SUSD4: variants seen among roughly 807,000 people sequenced by gnomAD.
SUSD4 encodes the protein sushi domain containing 4.
SUSD4 carries 41 observed loss-of-function variants against 50.5 expected under a neutral mutation model. The ratio of observed to expected loss-of-function variants is 0.81; its 90% CI spans 0.63 to 1.05. The LOEUF is 1.05. SUSD4 is among the 50% of genes least tolerant of loss of function. The probability of loss-of-function intolerance (pLI) is 0.00; values close to 1 mark genes in which losing one functional copy is unlikely to be tolerated. For synonymous variants in SUSD4, 257 were observed against 257.3 expected, an observed-to-expected ratio of 1.00 and a Z score of 0.01; for missense variants, 580 against 634.7, an observed-to-expected ratio of 0.91 and a Z score of 0.93.
At chr1:223,343,012 A>G (rs1331998847) in intron 2 of SUSD4, among the ~76,000 whole-genome samples, 1 of 152,248 alleles carries the variant, frequency 6.6e-6, no homozygotes, top group African/African-American at 2.4e-5. Flanking sequence ...ACATTAGCGG[A>G]AAAACAGACA....
At chr1:223,329,557 T>C (rs1667060345) in intron 2 of SUSD4, among the ~76,000 whole-genome samples, 1 of 152,220 alleles carries the variant, frequency 6.6e-6, no homozygotes. Context: ...TCTCTGCCTC[T>C]AAGCTCCTGA....
intron 7 of SUSD4, 45 bp from the exon 8 acceptor site, chr1:223,223,676 C>G (rs1310678281): frequency 1.3e-6 from 2 of 1,542,564 alleles, no homozygotes; most frequent in African/African-American, 2.7e-5. Context: ...CCATGCCACT[C>G]TGGGGATGAG....
chr1:223,228,359 CT>C (rs1260427198), intron 6 of SUSD4, among the ~76,000 whole-genome samples: 1 of 152,232 alleles, frequency 6.6e-6, no homozygotes. Flanking sequence ...CTTTGCACTT[CT>C]CCCCCGGCTG....
At chr1:223,235,613 A>G (rs900064934) in intron 5 of SUSD4, among the ~76,000 whole-genome samples, 2 of 151,428 alleles carry the variant, frequency 1.3e-5, no homozygotes, top group African/African-American at 4.9e-5. Context: ...GGAATAGGAC[A>G]GTATATAGCC....
chr1:223,274,345 C>G (rs1304546279), intron 3 of SUSD4, among the ~76,000 whole-genome samples: 1 of 152,190 alleles, frequency 6.6e-6, no homozygotes, highest in Non-Finnish European at 1.5e-5. Context: ...AGAGAGGATG[C>G]TTCATAGAAC....
rs1185997774 is a variant in SUSD4, at chr1:223,364,163, G to T, written c.-142C>A. On this transcript the variant is annotated 5_prime_UTR_variant, in exon 1 of 9. Transcript: ENST00000366878. The surrounding 1 kb of genome is among the most constrained non-coding windows in gnomAD (Gnocchi z 4.5). The stretch of plus-strand genomic sequence containing the variant: ...TGCTGCCGCCGCTGCGCGAGCGAGC[G>T]AGACGGAAGCTTCGGCGGCGGCGCT... 2.6e-5 allele frequency: 4 copies of T among 151,908 alleles called. No homozygotes were observed. Among genetic ancestry groups the T allele is most frequent in the Admixed American group, 2.6e-4 (4 of 15,204 alleles). The allele number at this position is 151,908 out of a possible 1,614,324, so 9.4% of individuals were successfully genotyped here. A position where few individuals can be genotyped will look rare whatever the true frequency, so the allele number is the denominator to read the frequency against.
intron 3 of SUSD4, among the ~76,000 whole-genome samples, chr1:223,286,647 G>A (rs192231679): frequency 2.0e-5 from 3 of 152,346 alleles, no homozygotes; most frequent in East Asian, 1.9e-4. Context: ...TCATGGCCAA[G>A]TGACTAAAGA....
At position 223,223,457 on chromosome 1, in the gene SUSD4, T is replaced by TG; in HGVS notation, c.1235dup (p.Ala413SerfsTer19). On this transcript the variant is annotated frameshift_variant, in exon 8 of 9. Coordinates refer to ENST00000366878, the MANE Select transcript of SUSD4 (RefSeq NM_017982.4). LOFTEE classifies it high-confidence loss of function. ...CCGTGTCCCCTGAGCCGGGGTATGC[T>TG]GGGGGGCTCTGGTCGTCCACGGGTA... 1.2e-6 allele frequency: 2 copies of TG among 1,613,996 alleles called. No individual in the cohort carries two copies. The highest frequency in any genetic ancestry group is 8.5e-7 in the Non-Finnish European group (1 of 1,179,960).
rs17163798 is a variant in SUSD4, at chr1:223,315,776, A to G, written c.149-23125T>C. 7.7e-3 allele frequency among the ~76,000 whole-genome samples: 1,167 copies of G among 152,312 alleles called. 35 individuals are homozygous for G. The East Asian group carries it at 0.11, about 14-fold the overall frequency. On this transcript the variant is annotated intron_variant, in intron 2 of 8. Transcript: ENST00000366878. Reference sequence around the variant, plus strand: ...AAGTTGGTCTCAGAGAACAGATCTGATCACTACGGCAGCTGCTCCTCAGCA... The same window carrying G: ...AAGTTGGTCTCAGAGAACAGATCTGGTCACTACGGCAGCTGCTCCTCAGCA...
rs546422990 is a variant in SUSD4 at position 223,221,936 on chromosome 1, T to C, written c.*256A>G. The C allele has an allele frequency of 6.8e-4, 316 of 462,114 alleles. No homozygotes were observed. The highest frequency in any genetic ancestry group is 8.1e-4 in the Non-Finnish European group (212 of 261,842). 28.6% of individuals were successfully genotyped at this position (462,114 alleles called of 1,614,324 possible). ...CACGATACACATTTAACACCCCTCA[T>C]CCAAGACCACGCGAGGGCTTCCCTG... On this transcript the variant is annotated 3_prime_UTR_variant, in exon 9 of 9. Coordinates refer to ENST00000366878, the MANE Select transcript of SUSD4 (RefSeq NM_017982.4).
chr1:223,358,985 A>T, intron 2 of SUSD4: 1 of 451,476 alleles, frequency 2.2e-6, no homozygotes, highest in Non-Finnish European at 4.7e-6. Context: ...ATCTGTTTCC[A>T]CCTGCTGGCA....
At chr1:223,361,748 G>GA (rs1231873272) in intron 2 of SUSD4, among the ~76,000 whole-genome samples, 3 of 152,222 alleles carry the variant, frequency 2.0e-5, no homozygotes, top group African/African-American at 7.2e-5. Flanking sequence ...CAAGAAGATG[G>GA]AAAATCATGT....
intron 5 of SUSD4, among the ~76,000 whole-genome samples, chr1:223,259,325 AAGGGAGGACT>A (rs1244646857): frequency 6.6e-6 from 1 of 152,166 alleles, no homozygotes. Context: ...AGTGTTGTTG[AAGGGAGGACT>A]TCTGGATAAA....
At chr1:223,275,296 G>A (rs559958686) in intron 3 of SUSD4, among the ~76,000 whole-genome samples, 1 of 152,100 alleles carries the variant, frequency 6.6e-6, no homozygotes, top group Non-Finnish European at 1.5e-5. Context: ...GGAAAAACTG[G>A]GTTTGATTCA....
At chr1:223,292,330 G>T in intron 3 of SUSD4, 109 bp downstream of exon 3, 1 of 1,209,610 alleles carries the variant, frequency 8.3e-7, no homozygotes, top group South Asian at 1.3e-5. Context: ...GTGCAGCCCT[G>T]CATCAGAGAG....
intron 5 of SUSD4, among the ~76,000 whole-genome samples, chr1:223,249,222 A>G (rs1661142974): frequency 6.6e-6 from 1 of 152,160 alleles, no homozygotes; most frequent in Non-Finnish European, 1.5e-5. Flanking sequence ...AATTTTTTGT[A>G]AGGGAAGGAA....
chr1:223,268,665 G>A lies in SUSD4; in HGVS notation c.372C>T (p.Ile124=). Reference sequence around the variant, plus strand: ...GAATCTCAGCATCTTCGATTTGAGGGATACGGCAATCTGCAATTTTGTAAA... The same window carrying A: ...GAATCTCAGCATCTTCGATTTGAGGAATACGGCAATCTGCAATTTTGTAAA... ...NSICVQEDCR[I]PQIEDAEIHN... The change falls in exon 4 of 9, where the codon ATC becomes ATT. Residue 124 remains isoleucine, a synonymous_variant. Transcript: ENST00000366878. The A allele has an allele frequency of 6.2e-7, 1 of 1,609,602 alleles. No individual in the cohort carries two copies. Among genetic ancestry groups the A allele is most frequent in the Non-Finnish European group, 8.5e-7 (1 of 1,178,028 alleles).
At chr1:223,283,229 A>G (rs2103121893) in intron 3 of SUSD4, among the ~76,000 whole-genome samples, 1 of 152,354 alleles carries the variant, frequency 6.6e-6, no homozygotes, top group East Asian at 1.9e-4. Context: ...AAATTGACAA[A>G]TGGGATCTAA....
intron 5 of SUSD4, among the ~76,000 whole-genome samples, chr1:223,241,824 T>C (rs761336105): frequency 9.2e-5 from 14 of 152,226 alleles, no homozygotes; most frequent in Non-Finnish European, 1.6e-4. Flanking sequence ...GTGACTGCCA[T>C]CCACTATCAA....
Sources: allele counts gnomAD v4.1 joint callset (sites outside exome capture counted in the v4.1 genomes callset), GRCh38; gene constraint gnomAD v4.1.1; non-coding constraint Gnocchi (gnomAD v3.1); transcripts MANE v1.5; gene names NCBI Gene and HGNC (gene_info 2026-07-23, HGNC 2026-07-21).